The following SBF2 variants were observed in gnomAD, a reference collection of about 807,000 sequenced individuals.
SBF2 encodes myotubularin-related protein 13.
SBF2 carries 112 observed loss-of-function variants against 225.2 expected under a neutral mutation model. That is an observed-to-expected ratio of 0.50 (90% confidence interval 0.43 to 0.58). The LOEUF is 0.58. Ranked by LOEUF, SBF2 falls within the 20% of genes least tolerant of loss-of-function variation. The pLI, the probability that SBF2 is intolerant of heterozygous loss-of-function variation, is 0.00. For missense variants in SBF2, 1,996 were observed against 2,206.2 expected (o/e 0.90, Z 1.91); for synonymous variants, 763 against 773.3 (o/e 0.99, Z 0.22).
intron 2 of SBF2, among the ~76,000 whole-genome samples, chr11:10,055,199 G>C (rs996476300): frequency 6.6e-6 from 1 of 152,096 alleles, no homozygotes; most frequent in Non-Finnish European, 1.5e-5. Context: ...ACCAAGCCCG[G>C]TCAGAATGGC....
At chr11:10,036,443 G>A (rs1368362946) in intron 3 of SBF2, among the ~76,000 whole-genome samples, 1 of 152,062 alleles carries the variant, frequency 6.6e-6, no homozygotes, top group Non-Finnish European at 1.5e-5. Context: ...TTATTCAGAA[G>A]ATGACTTGCA....
chr11:9,814,657 G>T (rs868277581), intron 29 of SBF2, among the ~76,000 whole-genome samples: 1 of 152,130 alleles, frequency 6.6e-6, no homozygotes, highest in Non-Finnish European at 1.5e-5. Context: ...TAATGTTAAG[G>T]CTTCAGATAA....
chr11:10,179,722 T>G (rs1956651445), intron 2 of SBF2, among the ~76,000 whole-genome samples: 1 of 152,226 alleles, frequency 6.6e-6, no homozygotes, highest in Non-Finnish European at 1.5e-5. Context: ...TGGCAGGACT[T>G]ACTCCTGCCA....
At chr11:10,263,753 A>G (rs1961671671) in intron 1 of SBF2, among the ~76,000 whole-genome samples, 1 of 152,210 alleles carries the variant, frequency 6.6e-6, no homozygotes, top group African/African-American at 2.4e-5. Context: ...TGAAAACTTT[A>G]TCCTGGCTGA....
intron 16 of SBF2, among the ~76,000 whole-genome samples, chr11:9,926,991 C>G (rs1454503653): frequency 6.6e-6 from 1 of 152,078 alleles, no homozygotes; most frequent in Non-Finnish European, 1.5e-5. Flanking sequence ...ATGTATAACT[C>G]TCTAGCTTGA....
chr11:9,997,855 A>G (rs1396325289), intron 9 of SBF2, among the ~76,000 whole-genome samples: 1 of 152,256 alleles, frequency 6.6e-6, no homozygotes, highest in Non-Finnish European at 1.5e-5. Flanking sequence ...AGTATTGGCA[A>G]GACAATATTA....
At chr11:10,280,878 C>A (rs1271966800) in intron 1 of SBF2, among the ~76,000 whole-genome samples, 1 of 152,150 alleles carries the variant, frequency 6.6e-6, no homozygotes, top group Non-Finnish European at 1.5e-5. Flanking sequence ...TTTCTCCTTA[C>A]CCAAAAATTG....
At chr11:9,907,180 C>T (rs1369423730) in intron 16 of SBF2, among the ~76,000 whole-genome samples, 1 of 152,084 alleles carries the variant, frequency 6.6e-6, no homozygotes, top group Non-Finnish European at 1.5e-5. Context: ...ACATTACTCT[C>T]CTATTCAAAA....
At chr11:10,239,384 T>C (rs1959178169) in intron 1 of SBF2, among the ~76,000 whole-genome samples, 1 of 150,582 alleles carries the variant, frequency 6.6e-6, no homozygotes, top group South Asian at 2.2e-4. Context: ...AAATAATCCA[T>C]GGGTTAAAAA....
intron 1 of SBF2, among the ~76,000 whole-genome samples, chr11:10,272,525 T>C (rs34051776): frequency 0.47 from 71,443 of 152,088 alleles, 17,435 homozygotes; most frequent in Non-Finnish European, 0.54. Flanking sequence ...CACACTGGCT[T>C]ACGCCTGTAA....
intron 24 of SBF2, chr11:9,843,773 T>C (rs945788046): frequency 3.3e-5 from 5 of 152,248 alleles, no homozygotes; most frequent in African/African-American, 4.8e-5. Context: ...ATTAAACTTA[T>C]TGTAAATCAC....
chr11:10,116,156 G>A (rs113651224), intron 2 of SBF2, among the ~76,000 whole-genome samples: 26,871 of 152,100 alleles, frequency 0.18, 2,547 homozygotes, highest in East Asian at 0.29. Flanking sequence ...GCGACAGAGC[G>A]AGACTCCCTC....
At chr11:10,145,962 G>C (rs1042610137) in intron 2 of SBF2, among the ~76,000 whole-genome samples, 1 of 152,060 alleles carries the variant, frequency 6.6e-6, no homozygotes, top group African/African-American at 2.4e-5. Flanking sequence ...CAGGAATGCA[G>C]TTCCATTCAC....
intron 6 of SBF2, among the ~76,000 whole-genome samples, chr11:10,025,755 A>G (rs1405025419): frequency 2.6e-5 from 4 of 151,908 alleles, no homozygotes; most frequent in Non-Finnish European, 4.4e-5. Flanking sequence ...ACCTGCCACC[A>G]TGCTCCGCTA....
At chr11:10,038,611 T>C (rs1949535921) in intron 3 of SBF2, among the ~76,000 whole-genome samples, 1 of 151,954 alleles carries the variant, frequency 6.6e-6, no homozygotes, top group South Asian at 2.1e-4. Flanking sequence ...ACTTAAGTTT[T>C]GGTTCTGCTT....
chr11:10,294,300 C>G, upstream of SBF2: 1 of 351,572 alleles, frequency 2.8e-6, no homozygotes, highest in Non-Finnish European at 5.1e-6. Context: ...GGGCGGCGAG[C>G]CCACCTCCAC....
intron 13 of SBF2, among the ~76,000 whole-genome samples, chr11:9,976,045 T>C (rs1318312681): frequency 6.6e-6 from 1 of 151,562 alleles, no homozygotes; most frequent in Non-Finnish European, 1.5e-5. Flanking sequence ...CAATTATAAA[T>C]CTCATATTCT....
At chr11:10,146,937 T>C (rs573940072) in intron 2 of SBF2, among the ~76,000 whole-genome samples, 4 of 152,030 alleles carry the variant, frequency 2.6e-5, no homozygotes, top group African/African-American at 7.2e-5. Context: ...AAGACATGCA[T>C]GTGGCCAATG....
chr11:9,815,650 G>A (rs559848884), intron 29 of SBF2, among the ~76,000 whole-genome samples: 148 of 152,196 alleles, frequency 9.7e-4, no homozygotes, highest in African/African-American at 3.4e-3. Flanking sequence ...GCTAAACCTC[G>A]GAGAGTGATT....
Sources: allele counts gnomAD v4.1 joint callset (sites outside exome capture counted in the v4.1 genomes callset), GRCh38; gene constraint gnomAD v4.1.1; transcripts MANE v1.5; gene names NCBI Gene and HGNC (gene_info 2026-07-23, HGNC 2026-07-21).